Variants in AVEN observed in about 807,000 individuals in gnomAD.
The protein encoded by AVEN is apoptosis and caspase activation inhibitor.
AVEN carries 41 observed loss-of-function variants against 38.1 expected under a neutral mutation model. The observed-to-expected ratio is 1.08, with a 90% CI of 0.84 to 1.40. The LOEUF is 1.40. Ranked by LOEUF, AVEN falls within the 40% of genes most tolerant of loss-of-function variation. The pLI is 0.00. For missense variants in AVEN, 605 were observed against 438.8 expected, an observed-to-expected ratio of 1.38 and a Z score of -3.38; for synonymous variants, 206 against 171.8, an observed-to-expected ratio of 1.20 and a Z score of -1.56.
intron 2 of AVEN, among the ~76,000 whole-genome samples, chr15:33,995,053 G>A (rs1266444217): frequency 6.6e-6 from 1 of 152,142 alleles, no homozygotes; most frequent in African/African-American, 2.4e-5. Context: ...CTTGAGACCA[G>A]GAATTCAAGA....
intron 2 of AVEN, among the ~76,000 whole-genome samples, chr15:33,994,489 T>C (rs1021784428): frequency 7.2e-5 from 11 of 152,198 alleles, no homozygotes; most frequent in Admixed American, 2.6e-4. Context: ...CACGCTTGAA[T>C]CATCCTGAAA....
rs1381411256 is a variant in AVEN, at chr15:34,073,986, C to CTTTTTTTTTTTTTTTT, written n.720+449_720+450insAAAAAAAAAAAAAAAA. On this transcript the variant is annotated intron_variant and non_coding_transcript_variant, in intron 1 of 11. Transcript: ENST00000675287. ...TGGAGGAACTTTCTTTTTTCTTCTT[C>CTTTTTTTTTTTTTTTT]TTCTTTTTTTTTTTTTTTTTTTTTT... Among the ~76,000 whole-genome samples the CTTTTTTTTTTTTTTTT allele has an allele frequency of 3.0e-4, 34 of 112,188 alleles. 7 individuals carry two copies. Among genetic ancestry groups the CTTTTTTTTTTTTTTTT allele is most frequent in the African/African-American group, 1.2e-3 (28 of 24,270 alleles). The allele number at this position is 112,188 out of a possible 152,430, so 73.6% of individuals were successfully genotyped here. A position where few individuals can be genotyped will look rare whatever the true frequency, so the allele number is the denominator to read the frequency against.
downstream of AVEN, among the ~76,000 whole-genome samples, chr15:33,863,381 A>C (rs1414691070): frequency 6.6e-6 from 1 of 152,164 alleles, no homozygotes; most frequent in Non-Finnish European, 1.5e-5. Flanking sequence ...TCTATACACT[A>C]TACCACCATG....
chr15:33,885,738 T>C (rs1432549907), intron 2 of AVEN: 1 of 152,206 alleles, frequency 6.6e-6, no homozygotes, highest in African/African-American at 2.4e-5. Context: ...GCATGGATTA[T>C]GTTGAAGGAA....
chr15:33,965,290 T>C (rs950660790), intron 2 of AVEN, among the ~76,000 whole-genome samples: 33 of 152,100 alleles, frequency 2.2e-4, no homozygotes, highest in African/African-American at 7.7e-4. Context: ...TCCACAATAC[T>C]CTCTTAAAAT....
At chr15:34,062,977 A>T in exon 5 of AVEN, 1 of 1,613,904 alleles carries the variant, frequency 6.2e-7, no homozygotes, top group Non-Finnish European at 8.5e-7. Context: ...ATGAACCTCT[A>T]CACCACCTAC....
chr15:33,873,688 G>T (rs1016985505), intron 3 of AVEN, among the ~76,000 whole-genome samples: 1 of 151,702 alleles, frequency 6.6e-6, no homozygotes, highest in Non-Finnish European at 1.5e-5. Context: ...TCGTTTTGAT[G>T]GTGAAATGAA....
In AVEN at chr15:33,871,031, C is replaced by G; in HGVS notation, c.517-1G>C. 1 of 1,493,666 alleles carries G rather than the reference C, an allele frequency of 6.7e-7. No individual in the cohort carries two copies. The allele number at this position is 1,493,666 out of a possible 1,614,324, so 92.5% of individuals were successfully genotyped here. On this transcript the variant is annotated splice_acceptor_variant, in intron 3 of 5. Transcript: ENST00000306730. LOFTEE classifies it high-confidence loss of function. ...CACTATCCACATAAAATGCTGAATT[C>G]TATATATATATATAAAAGAAAATAA...
At chr15:33,977,511 G>C (rs181124359) in intron 2 of AVEN, among the ~76,000 whole-genome samples, 42 of 152,214 alleles carry the variant, frequency 2.8e-4, no homozygotes, top group African/African-American at 1.0e-3. Context: ...CTTTGATTCA[G>C]GGTGTTGTAT....
chr15:33,872,055 G>C (rs542680058), intron 3 of AVEN, among the ~76,000 whole-genome samples: 53 of 152,336 alleles, frequency 3.5e-4, no homozygotes, highest in African/African-American at 1.2e-3. Context: ...AGTTGAAGTA[G>C]AGGGCCTGGC....
At chr15:33,853,162 C>G in the AVEN span, 1 of 1,216,750 alleles carries the variant, frequency 8.2e-7, no homozygotes, top group African/African-American at 1.5e-5. Flanking sequence ...TCTCCACATA[C>G]AAACATGAGT....
intron 2 of AVEN, among the ~76,000 whole-genome samples, chr15:33,902,830 GAATA>G (rs1401227648): frequency 6.7e-6 from 1 of 148,884 alleles, no homozygotes; most frequent in Non-Finnish European, 1.5e-5. Flanking sequence ...AAATTCTTAG[GAATA>G]AATTCTGTAG....
chr15:33,924,324 C>G (rs994687948), intron 2 of AVEN, among the ~76,000 whole-genome samples: 4 of 149,612 alleles, frequency 2.7e-5, no homozygotes, highest in African/African-American at 4.9e-5. Flanking sequence ...GAGCCGAGAT[C>G]ATGCCACTGC....
chr15:33,966,190 T>C (rs1895374281), intron 2 of AVEN, among the ~76,000 whole-genome samples: 1 of 152,156 alleles, frequency 6.6e-6, no homozygotes, highest in Non-Finnish European at 1.5e-5. Context: ...AGAACCTGCA[T>C]ATTTGCAAAG....
At chr15:33,890,290 G>A (rs192328594) in intron 2 of AVEN, among the ~76,000 whole-genome samples, 21 of 152,302 alleles carry the variant, frequency 1.4e-4, no homozygotes, top group African/African-American at 5.1e-4. Flanking sequence ...ACTGTTAACT[G>A]TCAGAGCCCA....
chr15:33,854,648 A>C, downstream of AVEN: 1 of 1,327,060 alleles, frequency 7.5e-7, no homozygotes, highest in Non-Finnish European at 1.0e-6. Context: ...AGCTCACAGC[A>C]CCTCAGCACC....
intron 2 of AVEN, among the ~76,000 whole-genome samples, chr15:34,000,297 T>C (rs934711075): frequency 6.6e-6 from 1 of 152,224 alleles, no homozygotes; most frequent in African/African-American, 2.4e-5. Context: ...CAGGTGTCTA[T>C]ATCTGTTCTG....
chr15:33,853,652 C>T, the AVEN span: 23 of 1,613,762 alleles, frequency 1.4e-5, no homozygotes, highest in Admixed American at 1.7e-4. Flanking sequence ...GTAGAAGAGA[C>T]CAAAGCAGAA....
intron 2 of AVEN, among the ~76,000 whole-genome samples, chr15:34,001,715 C>CAAGCG (rs3028026): frequency 6.6e-6 from 1 of 151,954 alleles, no homozygotes; most frequent in Admixed American, 6.5e-5. Flanking sequence ...ACGGTAATGA[C>CAAGCG]GAATCCTGTG....
Sources: allele counts gnomAD v4.1 joint callset (sites outside exome capture counted in the v4.1 genomes callset), GRCh38; gene constraint gnomAD v4.1.1; transcripts MANE v1.5; gene names NCBI Gene and HGNC (gene_info 2026-07-23, HGNC 2026-07-21).